The following KRT85 variants were observed in gnomAD, a reference collection of about 807,000 sequenced individuals.
KRT85 encodes the protein keratin 85, also known as keratin, type II cuticular Hb5.
In KRT85, 39 loss-of-function variants were observed where a neutral mutation model predicts 53.7. The ratio of observed to expected loss-of-function variants is 0.73; its 90% CI spans 0.56 to 0.95. KRT85 has a LOEUF of 0.95. Ranked by LOEUF, KRT85 falls within the 40% of genes least tolerant of loss-of-function variation. The probability of loss-of-function intolerance (pLI) is 0.00; values close to 1 mark genes in which losing one functional copy is unlikely to be tolerated. For synonymous variants in KRT85, 291 were observed against 277.5 expected (o/e 1.05, Z -0.48); for missense variants, 668 against 686.0 (o/e 0.97, Z 0.29).
rs1342729175 is a variant in KRT85 at position 52,363,415 on chromosome 12, G to A, written c.787-5C>T. 1.9e-6 allele frequency: 3 copies of A among 1,614,058 alleles called. No homozygotes were observed. Among genetic ancestry groups the A allele is most frequent in the Non-Finnish European group, 2.5e-6 (3 of 1,180,044 alleles). ...GGCTTGGAGAACGCGGATCTCCTGT[G>A]GGGCCAACAGCCAGTGCATTTGCTT... is the stretch of plus-strand genomic sequence containing the variant. On this transcript the variant is annotated splice_region_variant and splice_polypyrimidine_tract_variant and intron_variant, in intron 4 of 8. Transcript: ENST00000257901.
Position 52,360,127 on chromosome 12 carries a change from A to G in KRT85, c.*726T>C, listed in dbSNP as rs556242695. On this transcript the variant is annotated 3_prime_UTR_variant, in exon 9 of 9. Transcript: ENST00000257901. Reference sequence around the variant, plus strand: ...TAACTCTCTGTCCCGCCAGCTCTGCATTGGACAGTCCCCACCTGCACCCAG... The same window carrying G: ...TAACTCTCTGTCCCGCCAGCTCTGCGTTGGACAGTCCCCACCTGCACCCAG... 1 of 154,436 alleles carries G rather than the reference A, an allele frequency of 6.5e-6. No individual in the cohort carries two copies. Among genetic ancestry groups the G allele is most frequent in the African/African-American group, 2.4e-5 (1 of 41,438 alleles). 9.6% of individuals were successfully genotyped at this position (154,436 alleles called of 1,614,324 possible).
At chr12:52,362,564 C>T in intron 6 of KRT85, 93 bp from the exon 7 acceptor site, 1 of 1,515,692 alleles carries the variant, frequency 6.6e-7, no homozygotes, top group Non-Finnish European at 9.0e-7. Context: ...AGAGGAGGGT[C>T]CTGGAGAGAA....
At chr12:52,363,437 G>T in intron 4 of KRT85, 27 bp from the exon 5 acceptor site, 1 of 1,613,976 alleles carries the variant, frequency 6.2e-7, no homozygotes, top group Non-Finnish European at 8.5e-7. Context: ...CAGTGCATTT[G>T]CTTCTAGTGC....
chr12:52,361,358 A>G (rs1003508484), intron 8 of KRT85, 109 bp downstream of exon 8: 1 of 1,006,528 alleles, frequency 9.9e-7, no homozygotes, highest in Non-Finnish European at 1.6e-6. Flanking sequence ...GAGCCAGGGG[A>G]GGGTGAAACA....
intron 5 of KRT85, 44 bp from the exon 6 acceptor site, chr12:52,363,023 C>T (rs1939217224): frequency 6.2e-7 from 1 of 1,614,064 alleles, no homozygotes; most frequent in South Asian, 1.1e-5. Flanking sequence ...GTGGGGCCCC[C>T]CATCCATTCA....
Position 52,367,241 on chromosome 12 carries a change from G to T in KRT85, c.165C>A (p.Ser55Arg). The change falls in exon 1 of 9, where the codon AGC becomes AGA. Residue 55 changes from serine to arginine, a missense_variant. Coordinates refer to ENST00000257901, the MANE Select transcript of KRT85 (RefSeq NM_002283.4). ...GCCCGCAGGAGCCCAGGTTGCAGAG[G>T]CTGCGGCTGCCGAAGCCCGTCAGCC... is the stretch of plus-strand genomic sequence containing the variant. ...YRGLTGFGSR[S>R]LCNLGSCGPR... 1 of 1,612,274 alleles carries T rather than the reference G, an allele frequency of 6.2e-7. No individual in the cohort carries two copies. Among genetic ancestry groups the T allele is most frequent in the South Asian group, 1.1e-5 (1 of 91,014 alleles).
intron 2 of KRT85, 106 bp downstream of exon 2, chr12:52,364,856 G>A (rs2121405972): frequency 6.3e-7 from 1 of 1,593,334 alleles, no homozygotes; most frequent in Middle Eastern, 2.3e-4. Flanking sequence ...GTTCCAGGCA[G>A]CCTGCTAGAG....
chr12:52,367,365 AC>A lies in KRT85; in HGVS notation c.40del (p.Val14SerfsTer35). 6.2e-7 allele frequency: 1 copy of A among 1,614,054 alleles called. No homozygotes were observed. Among genetic ancestry groups the A allele is most frequent in the Non-Finnish European group, 8.5e-7 (1 of 1,180,018 alleles). On this transcript the variant is annotated frameshift_variant, in exon 1 of 9. Transcript: ENST00000257901. LOFTEE classifies it high-confidence loss of function. ...TGAGCAGGAGCTGAAGTTCCTGGTG[AC>A]CCCGCATCCTGAGCTGATCCTGTAG... ...RSYRISSGCG[V>X]TRNFSSCSAV...
At chr12:52,362,684 C>T (rs1592141315) in intron 6 of KRT85, among the ~76,000 whole-genome samples, 170 bp downstream of exon 6, 1 of 152,164 alleles carries the variant, frequency 6.6e-6, no homozygotes, top group African/African-American at 2.4e-5. Flanking sequence ...AAGGAAGGGG[C>T]TGGATCCTCC....
rs780063613 is a variant in KRT85, at chr12:52,363,255, G to A, written c.942C>T (p.Tyr314=). 1.2e-6 allele frequency: 2 copies of A among 1,614,124 alleles called. No homozygotes were observed. Among genetic ancestry groups the A allele is most frequent in the South Asian group, 2.2e-5 (2 of 91,078 alleles). Residue 314 remains tyrosine, a synonymous_variant, in exon 5 of 9, where the codon TAC becomes TAT. Coordinates refer to ENST00000257901, the MANE Select transcript of KRT85 (RefSeq NM_002283.4). The part of the protein sequence containing the change: ...SRSRAEAESW[Y]RSKCEEMKAT... ...GTCCTGTGCCACTCACCTTGCTACG[G>A]TACCAGGACTCAGCCTCGGCCCGGC...
In KRT85 at chr12:52,363,335, T is replaced by C. The variant is rs758865856; in HGVS notation, c.862A>G (p.Met288Val). The change falls in exon 5 of 9, where the codon ATG becomes GTG. Residue 288 changes from methionine (M) to valine (V), a missense_variant. Physicochemically the swap from Met to Val is conservative, Grantham distance 21 (BLOSUM62 1). Transcript: ENST00000257901. The stretch of plus-strand genomic sequence containing the variant: ...TTGATCTCAGCGATGATGCAGTCCA[T>C]GTTCAGGTCTCGGCTGTTGTCCATC... ...VKMDNSRDLN[M>V]DCIIAEIKAQ... 7.4e-6 allele frequency: 12 copies of C among 1,614,074 alleles called. No individual in the cohort carries two copies. In the Admixed American group the frequency reaches 1.8e-4, roughly 25 times the overall value.
chr12:52,360,869 G>C lies in KRT85; in HGVS notation c.1508C>G (p.Ser503Trp). 1.9e-6 allele frequency: 3 copies of C among 1,612,216 alleles called. No homozygotes were observed. The highest frequency in any genetic ancestry group is 2.5e-6 in the Non-Finnish European group (3 of 1,180,018). The change falls in exon 9 of 9, where the codon TCG becomes TGG. Residue 503 changes from serine (S) to tryptophan (W), a missense_variant. Transcript: ENST00000257901. ...ATGACTCTACTAGGCAAAGCGGACC[G>C]ACCGGCTACTCCCGCAGCTGAAGCT... is the stretch of plus-strand genomic sequence containing the variant. The part of the protein sequence containing the change: ...SSSFSCGSSR[S>W]VRFA
At chr12:52,362,707 T>G in intron 6 of KRT85, 147 bp downstream of exon 6, 1 of 1,366,402 alleles carries the variant, frequency 7.3e-7, no homozygotes, top group Non-Finnish European at 1.0e-6. Context: ...TGGAAGTCAG[T>G]GACATGGTCT....
chr12:52,364,425 A>C, intron 2 of KRT85, 59 bp from the exon 3 acceptor site: 1 of 1,613,264 alleles, frequency 6.2e-7, no homozygotes, highest in Non-Finnish European at 8.5e-7. Context: ...TACCATCCCA[A>C]CTCCTGGGCA....
At chr12:52,362,642 C>T (rs935366616) in intron 6 of KRT85, among the ~76,000 whole-genome samples, 171 bp from the exon 7 acceptor site, 5 of 152,176 alleles carry the variant, frequency 3.3e-5, no homozygotes, top group African/African-American at 1.2e-4. Flanking sequence ...GGCTTTTCAT[C>T]ATCTCTCCTT....
In KRT85 at chr12:52,365,084, C is replaced by A; in HGVS notation, c.507G>T (p.Glu169Asp). 6.2e-7 allele frequency: 1 copy of A among 1,614,064 alleles called. No homozygotes were observed. Among genetic ancestry groups the A allele is most frequent in the Non-Finnish European group, 8.5e-7 (1 of 1,180,052 alleles). ...QNQRCCESNL[E>D]PLFSGYIETL... ...TCTCGATGTAGCCACTGAACAGTGG[C>A]TCCAGGTTGCTCTCGCAGCAGCGCT... The change falls in exon 2 of 9, where the codon GAG becomes GAT. Residue 169 changes from glutamate to aspartate, a missense_variant. Physicochemically the swap from Glu to Asp is conservative, Grantham distance 45. Around this residue, in one of 3 missense-constraint regions of KRT85, gnomAD observed 488 missense variants for 498.1 expected, o/e 0.98. Transcript: ENST00000257901.
chr12:52,362,805 G>T, intron 6 of KRT85, 49 bp downstream of exon 6: 3 of 1,613,964 alleles, frequency 1.9e-6, no homozygotes, highest in Non-Finnish European at 2.5e-6. Flanking sequence ...TTAGGGCCAG[G>T]TGCTGCAGCC....
chr12:52,364,241 C>T, intron 3 of KRT85, 65 bp downstream of exon 3: 1 of 1,612,568 alleles, frequency 6.2e-7, no homozygotes, highest in Non-Finnish European at 8.5e-7. Context: ...GCATGGTGAC[C>T]CTGCCCCTCG....
At chr12:52,363,560 T>C (rs1939227205) in intron 4 of KRT85, 150 bp from the exon 5 acceptor site, 1 of 853,678 alleles carries the variant, frequency 1.2e-6, no homozygotes, top group African/African-American at 1.7e-5. Context: ...ATGCACAGGC[T>C]CCTTAAAAAC....
Sources: allele counts gnomAD v4.1 joint callset (sites outside exome capture counted in the v4.1 genomes callset), GRCh38; gene constraint gnomAD v4.1.1; regional missense constraint gnomAD v4.1.1; transcripts MANE v1.5; gene names NCBI Gene and HGNC (gene_info 2026-07-23, HGNC 2026-07-21).